Variants in SLCO1A2 observed in about 807,000 individuals in gnomAD.
The protein encoded by SLCO1A2 is OATP-1.
A neutral mutation model predicts 69.0 loss-of-function variants in SLCO1A2; 67 were observed. That is an observed-to-expected ratio of 0.97 (90% CI 0.80 to 1.19). The LOEUF (loss-of-function observed/expected upper bound fraction) is 1.19, where lower values mean the gene tolerates loss of function less well. Ranked by LOEUF, SLCO1A2 falls within the 50% of genes most tolerant of loss-of-function variation. The pLI, the probability that SLCO1A2 is intolerant of heterozygous loss-of-function variation, is 0.00. For missense variants in SLCO1A2, 787 were observed against 793.7 expected, an observed-to-expected ratio of 0.99 and a Z score of 0.10; for synonymous variants, 260 against 265.9, an observed-to-expected ratio of 0.98 and a Z score of 0.22.
In SLCO1A2 at chr12:21,268,157, C is replaced by T. The variant is rs1245205362; in HGVS notation, c.*1391G>A. The T allele has an allele frequency of 6.6e-6, 1 of 152,020 alleles. No homozygotes were observed. Among genetic ancestry groups the T allele is most frequent in the Non-Finnish European group, 1.5e-5 (1 of 67,996 alleles). 9.4% of individuals were successfully genotyped at this position (152,020 alleles called of 1,614,324 possible). On this transcript the variant is annotated 3_prime_UTR_variant, in exon 15 of 15. Coordinates refer to ENST00000683939, the MANE Select transcript of SLCO1A2 (RefSeq NM_001386879.1). ...AACCTGTAAAGCATCTGTACAAAGT[C>T]CTTCAGTTAACTGGCCTGCTTTCTG... is the stretch of plus-strand genomic sequence containing the variant.
intron 2 of SLCO1A2, among the ~76,000 whole-genome samples, chr12:21,354,090 T>C (rs1047048741): frequency 1.3e-5 from 2 of 152,234 alleles, no homozygotes; most frequent in Non-Finnish European, 2.9e-5. Flanking sequence ...TGCATAAGAA[T>C]GTTCTAACAC....
chr12:21,323,384 C>T (rs1591843392), intron 2 of SLCO1A2, among the ~76,000 whole-genome samples: 1 of 152,090 alleles, frequency 6.6e-6, no homozygotes, highest in African/African-American at 2.4e-5. Context: ...TGGCAAAACC[C>T]TGTCTCTAAA....
intron 2 of SLCO1A2, chr12:21,319,334 T>C (rs1327109099): frequency 7.3e-7 from 1 of 1,367,182 alleles, no homozygotes; most frequent in Non-Finnish European, 9.8e-7. Flanking sequence ...GCAAATATAC[T>C]TAAGTTCTCT....
chr12:21,319,308 A>G (rs896669418), intron 2 of SLCO1A2: 7 of 1,344,220 alleles, frequency 5.2e-6, no homozygotes, highest in African/African-American at 1.5e-5. Flanking sequence ...AATTATACAA[A>G]GACATTATTT....
intron 1 of SLCO1A2, among the ~76,000 whole-genome samples, chr12:21,392,168 C>T (rs1941190500): frequency 6.6e-6 from 1 of 152,168 alleles, no homozygotes; most frequent in South Asian, 2.1e-4. Context: ...AATGCATCGC[C>T]TCTGACTAAT....
chr12:21,408,399 T>C (rs928840322), intron 1 of SLCO1A2, among the ~76,000 whole-genome samples: 4 of 152,096 alleles, frequency 2.6e-5, no homozygotes, highest in African/African-American at 9.7e-5. Flanking sequence ...CAGTGAAACA[T>C]AGAGTCCTTT....
At chr12:21,286,971 C>A (rs1337227306) in intron 12 of SLCO1A2, among the ~76,000 whole-genome samples, 1 of 149,782 alleles carries the variant, frequency 6.7e-6, no homozygotes, top group Admixed American at 6.6e-5. Flanking sequence ...ATGTCCAAAA[C>A]ACCAAAAGCA....
At chr12:21,314,145 A>G (rs1950569295) in intron 4 of SLCO1A2, among the ~76,000 whole-genome samples, 2 of 152,282 alleles carry the variant, frequency 1.3e-5, no homozygotes, top group Middle Eastern at 3.4e-3. Context: ...GACTTTGTAC[A>G]TAGTTACTTT....
At chr12:21,341,579 T>C (rs1220116652) in intron 2 of SLCO1A2, among the ~76,000 whole-genome samples, 7 of 152,082 alleles carry the variant, frequency 4.6e-5, no homozygotes, top group Non-Finnish European at 8.8e-5. Context: ...CTCCAATTTT[T>C]CTGCCTTTTT....
chr12:21,389,486 A>G (rs1444420787), intron 1 of SLCO1A2, among the ~76,000 whole-genome samples: 1 of 152,234 alleles, frequency 6.6e-6, no homozygotes, highest in Admixed American at 6.5e-5. Flanking sequence ...TTCACAAGCT[A>G]AGATCTTAAG....
At chr12:21,410,979 T>A (rs148397560) in intron 1 of SLCO1A2, among the ~76,000 whole-genome samples, 1 of 152,348 alleles carries the variant, frequency 6.6e-6, no homozygotes, top group Non-Finnish European at 1.5e-5. Flanking sequence ...TATTATTAAT[T>A]GTAACCTGTT....
In SLCO1A2 at chr12:21,269,321, T is replaced by C; in HGVS notation, c.*227A>G. ...TTCAACATAAAAATAAAGCTGGCTC[T>C]AAGAATCTTCTTTAGGGGGCTGTTA... On this transcript the variant is annotated 3_prime_UTR_variant, in exon 15 of 15. Transcript: ENST00000683939. 2.8e-6 allele frequency: 1 copy of C among 359,888 alleles called. No individual in the cohort carries two copies. Among genetic ancestry groups the C allele is most frequent in the Non-Finnish European group, 5.0e-6 (1 of 201,458 alleles). 22.3% of individuals were successfully genotyped at this position (359,888 alleles called of 1,614,324 possible).
chr12:21,317,545 T>G (rs1473734329), intron 3 of SLCO1A2, among the ~76,000 whole-genome samples: 1 of 152,186 alleles, frequency 6.6e-6, no homozygotes. Context: ...ATTCAATTAA[T>G]ACTATTATTA....
At chr12:21,326,623 A>G (rs757177764) in intron 2 of SLCO1A2, among the ~76,000 whole-genome samples, 2 of 152,168 alleles carry the variant, frequency 1.3e-5, no homozygotes, top group Non-Finnish European at 2.9e-5. Flanking sequence ...AGCAAAGGTG[A>G]TTCTTGCTAT....
intron 2 of SLCO1A2, among the ~76,000 whole-genome samples, chr12:21,322,663 T>C (rs61927781): frequency 0.11 from 16,306 of 152,208 alleles, 1,018 homozygotes; most frequent in Non-Finnish European, 0.15. Flanking sequence ...AAATGTTTCT[T>C]GTCAGACTTA....
At chr12:21,349,488 T>C (rs1937757906) in intron 2 of SLCO1A2, among the ~76,000 whole-genome samples, 1 of 152,204 alleles carries the variant, frequency 6.6e-6, no homozygotes, top group Non-Finnish European at 1.5e-5. Flanking sequence ...GGCCACACTG[T>C]TGCCTTCCAT....
chr12:21,396,445 T>G (rs1211066843), upstream of SLCO1A2, among the ~76,000 whole-genome samples: 1 of 148,558 alleles, frequency 6.7e-6, no homozygotes, highest in Non-Finnish European at 1.5e-5. Flanking sequence ...TGGAAAACAC[T>G]CTGCAGGATA....
At chr12:21,311,058 CAGT>C (rs1950083852) in intron 4 of SLCO1A2, among the ~76,000 whole-genome samples, 1 of 152,194 alleles carries the variant, frequency 6.6e-6, no homozygotes, top group South Asian at 2.1e-4. Flanking sequence ...GGCTCTTCAT[CAGT>C]AGTAGATTCC....
chr12:21,269,509 A>G lies in SLCO1A2; in HGVS notation c.*39T>C. The G allele has an allele frequency of 7.0e-7, 1 of 1,437,038 alleles. No individual in the cohort carries two copies. Among genetic ancestry groups the G allele is most frequent in the Non-Finnish European group, 9.7e-7 (1 of 1,027,532 alleles). The allele number at this position is 1,437,038 out of a possible 1,614,324, so 89.0% of individuals were successfully genotyped here. A position where few individuals can be genotyped will look rare whatever the true frequency, so the allele number is the denominator to read the frequency against. ...TTTTAAAACAATTAAGTTGTACAGC[A>G]TGTTCTCTAATTCTGAAAAAAGTAA... On this transcript the variant is annotated 3_prime_UTR_variant, in exon 15 of 15. Coordinates refer to ENST00000683939, the MANE Select transcript of SLCO1A2 (RefSeq NM_001386879.1).
Sources: gnomAD v4.1 joint callset for allele counts (sites outside exome capture counted in the v4.1 genomes callset) on GRCh38, gnomAD v4.1.1 for gene constraint, MANE v1.5 for transcripts, NCBI Gene and HGNC (gene_info 2026-07-23, HGNC 2026-07-21) for gene names.